PRKCQ: variants seen among roughly 807,000 people sequenced by gnomAD.
The protein encoded by PRKCQ is protein kinase C theta, also known as protein kinase C theta type.
Under a neutral mutation model 91.2 loss-of-function variants are expected in PRKCQ, and 41 were observed. The ratio of observed to expected loss-of-function variants is 0.45; its 90% CI spans 0.35 to 0.58. The LOEUF is 0.58. Among genes scored for constraint, PRKCQ ranks in the 20% least tolerant of loss-of-function variants. PRKCQ has a pLI of 0.00. For missense variants in PRKCQ, 673 were observed against 896.5 expected (o/e 0.75, Z 3.18); for synonymous variants, 307 against 316.9 (o/e 0.97, Z 0.33).
the PRKCQ span, among the ~76,000 whole-genome samples, chr10:6,406,351 T>A: frequency 1.3e-5 from 2 of 151,290 alleles, no homozygotes; most frequent in African/African-American, 4.9e-5. Flanking sequence ...GTAGGAAAAA[T>A]TTGCACAATG....
At chr10:6,574,865 AC>A (rs1443527640) in intron 1 of PRKCQ, among the ~76,000 whole-genome samples, 1 of 152,114 alleles carries the variant, frequency 6.6e-6, no homozygotes, top group African/African-American at 2.4e-5. Context: ...CATCTGGCTC[AC>A]TGCCACTTCC....
intron 15 of PRKCQ, among the ~76,000 whole-genome samples, chr10:6,455,218 C>T (rs1163480469): frequency 6.6e-6 from 1 of 152,174 alleles, no homozygotes; most frequent in Non-Finnish European, 1.5e-5. Context: ...CCCCATCACT[C>T]GTGCTTTGAT....
chr10:6,555,164 C>T (rs1445687303), intron 1 of PRKCQ, among the ~76,000 whole-genome samples: 1 of 151,920 alleles, frequency 6.6e-6, no homozygotes, highest in Non-Finnish European at 1.5e-5. Flanking sequence ...GAAAAACTAA[C>T]TATTGGGTAC....
intron 1 of PRKCQ, among the ~76,000 whole-genome samples, chr10:6,520,289 C>T (rs543063650): frequency 2.6e-5 from 4 of 152,276 alleles, no homozygotes; most frequent in South Asian, 2.1e-4. Context: ...GGCCCTCACC[C>T]GCTGCTTCAA....
downstream of PRKCQ, among the ~76,000 whole-genome samples, chr10:6,424,082 G>A (rs767557498): frequency 2.6e-4 from 39 of 152,060 alleles, no homozygotes; most frequent in Admixed American, 5.2e-4. Context: ...TCACTCTAGG[G>A]CTTGTCTGTG....
intron 12 of PRKCQ, among the ~76,000 whole-genome samples, chr10:6,474,512 T>C (rs1007832544): frequency 3.9e-5 from 6 of 152,246 alleles, no homozygotes; most frequent in Non-Finnish European, 5.9e-5. Context: ...GCATCCTTAC[T>C]GTGTTAGATG....
At chr10:6,503,151 G>T (rs1053713338) in intron 4 of PRKCQ, among the ~76,000 whole-genome samples, 1 of 152,198 alleles carries the variant, frequency 6.6e-6, no homozygotes, top group Non-Finnish European at 1.5e-5. Context: ...AGCCAGGCTA[G>T]GTAGAGTTAA....
At chr10:6,515,314 G>T (rs1838706128) in intron 1 of PRKCQ, 170 bp from the exon 2 acceptor site, 3 of 1,505,468 alleles carry the variant, frequency 2.0e-6, no homozygotes, top group Non-Finnish European at 2.6e-6. Flanking sequence ...GACACTGCTG[G>T]ACTCACCCAA....
At chr10:6,569,286 G>T (rs1840946997) in intron 1 of PRKCQ, among the ~76,000 whole-genome samples, 1 of 152,096 alleles carries the variant, frequency 6.6e-6, no homozygotes, top group Non-Finnish European at 1.5e-5. Flanking sequence ...GGATCAGGAA[G>T]AGCTTTCCAG....
chr10:6,467,417 GA>G (rs1835744246), intron 12 of PRKCQ, among the ~76,000 whole-genome samples: 1 of 132,414 alleles, frequency 7.6e-6, no homozygotes, highest in African/African-American at 2.7e-5. Context: ...GAGAGAGAGA[GA>G]GAGAGAGAGA....
intron 1 of PRKCQ, among the ~76,000 whole-genome samples, chr10:6,565,380 G>A (rs1840805252): frequency 6.6e-6 from 1 of 152,096 alleles, no homozygotes; most frequent in South Asian, 2.1e-4. Context: ...CAAGAGAAGG[G>A]GTTTGCTTGC....
the PRKCQ span, among the ~76,000 whole-genome samples, chr10:6,415,335 T>C: frequency 0.95 from 141,789 of 148,632 alleles, 67,994 homozygotes; most frequent in East Asian, 1. Flanking sequence ...AAGAAAACGA[T>C]ACCAACACAT....
chr10:6,482,809 G>A (rs1836678430), intron 11 of PRKCQ, among the ~76,000 whole-genome samples: 1 of 152,154 alleles, frequency 6.6e-6, no homozygotes, highest in East Asian at 1.9e-4. Context: ...AGGTGAGAGG[G>A]CATGTGTAGG....
chr10:6,573,324 C>T (rs963907767), intron 1 of PRKCQ, among the ~76,000 whole-genome samples: 24 of 152,328 alleles, frequency 1.6e-4, no homozygotes, highest in African/African-American at 5.3e-4. Context: ...ATGAACTTCT[C>T]TCAAAACGAC....
the PRKCQ span, among the ~76,000 whole-genome samples, chr10:6,412,790 G>A: frequency 3.2e-4 from 48 of 152,294 alleles, no homozygotes; most frequent in African/African-American, 4.8e-4. Context: ...CTGGTATAGC[G>A]TAAGCGGGTT....
the PRKCQ span, among the ~76,000 whole-genome samples, chr10:6,396,758 G>A: frequency 2.0e-5 from 3 of 152,254 alleles, no homozygotes; most frequent in Non-Finnish European, 4.4e-5. Context: ...TGGTGCACAT[G>A]TCTTTGACTA....
chr10:6,571,970 G>A (rs1841063530), intron 1 of PRKCQ, among the ~76,000 whole-genome samples: 1 of 152,172 alleles, frequency 6.6e-6, no homozygotes. Flanking sequence ...TCAGGGGTCA[G>A]CGCTAGTAAT....
At chr10:6,396,030 A>G in the PRKCQ span, among the ~76,000 whole-genome samples, 1 of 152,142 alleles carries the variant, frequency 6.6e-6, no homozygotes, top group African/African-American at 2.4e-5. Context: ...AGGGACTGAA[A>G]AACATTAGTA....
chr10:6,506,912 T>C (rs1008610597), intron 4 of PRKCQ, among the ~76,000 whole-genome samples: 3 of 152,262 alleles, frequency 2.0e-5, no homozygotes, highest in African/African-American at 4.8e-5. Context: ...AAAGTCCACA[T>C]GTAACATGGA....
Sources: allele counts gnomAD v4.1 joint callset (sites outside exome capture counted in the v4.1 genomes callset), GRCh38; gene constraint gnomAD v4.1.1; transcripts MANE v1.5; gene names NCBI Gene and HGNC (gene_info 2026-07-23, HGNC 2026-07-21).